ZFHX3: variants seen among roughly 807,000 people sequenced by gnomAD.
ZFHX3 encodes the protein zinc finger homeobox protein 3.
ZFHX3 carries 42 observed loss-of-function variants against 279.1 expected under a neutral mutation model. The ratio of observed to expected loss-of-function variants is 0.15; its 90% CI spans 0.12 to 0.19. The LOEUF is 0.19. Among genes scored for constraint, ZFHX3 ranks in the 10% least tolerant of loss-of-function variants. ZFHX3 has a pLI of 1.00. For synonymous variants in ZFHX3, 2,293 were observed against 1,957.8 expected (o/e 1.17, Z -4.52); for missense variants, 4,981 against 4,754.0 (o/e 1.05, Z -1.40).
At chr16:73,053,975 T>A (rs2144730929) in intron 1 of ZFHX3, among the ~76,000 whole-genome samples, 1 of 143,920 alleles carries the variant, frequency 6.9e-6, no homozygotes, top group South Asian at 2.3e-4. Flanking sequence ...GGTCGACACA[T>A]CAGCAGCCCC....
chr16:73,459,130 A>C (rs1485724065), intron 2 of ZFHX3, among the ~76,000 whole-genome samples: 1 of 152,236 alleles, frequency 6.6e-6, no homozygotes, highest in Admixed American at 6.5e-5. Flanking sequence ...ACAAAAAGTT[A>C]ATTTTAAATG....
intron 2 of ZFHX3, among the ~76,000 whole-genome samples, chr16:73,508,593 T>C (rs1462278680): frequency 6.6e-6 from 1 of 152,034 alleles, no homozygotes. Context: ...TTAGGGAAAA[T>C]AGTGGGAGCT....
At chr16:73,744,728 C>G (rs1382616784) in intron 1 of ZFHX3, among the ~76,000 whole-genome samples, 1 of 152,146 alleles carries the variant, frequency 6.6e-6, no homozygotes, top group South Asian at 2.1e-4. Context: ...CCATTTGATT[C>G]AAGACCAGTC....
Position 72,958,162 on chromosome 16 carries a change from T to C in ZFHX3, c.1984A>G (p.Met662Val), listed in dbSNP as rs749332649. 1.9e-6 allele frequency: 3 copies of C among 1,613,878 alleles called. No individual in the cohort carries two copies. Among genetic ancestry groups the C allele is most frequent in the Admixed American group, 1.7e-5 (1 of 60,016 alleles). ...GTCTTACACGAGTTACGAGAATGCA[T>C]CATGGTCATGTGGCCGCCCAGCGAG... The part of the protein sequence containing the change: ...SRSLGGHMTM[M>V]HSRNSCKTLK... The change falls in exon 2 of 10, where the codon ATG (methionine) becomes GTG (valine). Residue 662 changes from methionine to valine, a missense_variant. Physicochemically the swap from Met to Val is conservative, Grantham distance 21. Transcript: ENST00000268489.
chr16:73,519,182 G>A (rs1343315295), intron 2 of ZFHX3, among the ~76,000 whole-genome samples: 1 of 151,800 alleles, frequency 6.6e-6, no homozygotes, highest in African/African-American at 2.4e-5. Flanking sequence ...TCTAATTGAT[G>A]GTTATTTATG....
intron 2 of ZFHX3, among the ~76,000 whole-genome samples, chr16:73,654,882 A>G (rs1256719596): frequency 1.7e-5 from 2 of 120,284 alleles, no homozygotes; most frequent in East Asian, 4.6e-4. Flanking sequence ...TTTTTTTGAG[A>G]CAGAGTCTCA....
chr16:73,857,889 T>G (rs1479294564), intron 1 of ZFHX3, among the ~76,000 whole-genome samples: 1 of 152,044 alleles, frequency 6.6e-6, no homozygotes, highest in Non-Finnish European at 1.5e-5. Flanking sequence ...GATGGATCGC[T>G]TGAGGTCAGG....
intron 5 of ZFHX3, among the ~76,000 whole-genome samples, chr16:72,824,265 T>C (rs939502993): frequency 3.3e-5 from 5 of 152,346 alleles, no homozygotes; most frequent in Non-Finnish European, 7.3e-5. Context: ...AAACGTACTT[T>C]TCCCTAACAG....
intron 1 of ZFHX3, among the ~76,000 whole-genome samples, chr16:72,993,455 A>T (rs768104108): frequency 6.6e-6 from 1 of 152,218 alleles, no homozygotes; most frequent in Non-Finnish European, 1.5e-5. Flanking sequence ...CCATTGAGAA[A>T]TAAAGATGTG....
intron 5 of ZFHX3, among the ~76,000 whole-genome samples, chr16:73,222,542 C>G (rs1597228078): frequency 6.6e-6 from 1 of 151,920 alleles, no homozygotes; most frequent in East Asian, 1.9e-4. Context: ...TGAGGAAAAC[C>G]ACAAAACTTT....
intron 2 of ZFHX3, among the ~76,000 whole-genome samples, chr16:73,561,235 A>T (rs2020364270): frequency 1.3e-5 from 2 of 152,224 alleles, no homozygotes. Context: ...CTGACAGTGG[A>T]CATTAGGCAG....
At chr16:72,861,937 C>T (rs553377332) in intron 4 of ZFHX3, among the ~76,000 whole-genome samples, 1 of 152,204 alleles carries the variant, frequency 6.6e-6, no homozygotes, top group Non-Finnish European at 1.5e-5. Context: ...ATTGCTTGAA[C>T]CCGGGAGGCA....
At chr16:73,494,007 C>G (rs919498736) in intron 2 of ZFHX3, among the ~76,000 whole-genome samples, 1 of 152,120 alleles carries the variant, frequency 6.6e-6, no homozygotes, top group African/African-American at 2.4e-5. Context: ...CTACCTTCTC[C>G]TTGAAGACTC....
chr16:72,945,195 G>A (rs910138670), intron 3 of ZFHX3, among the ~76,000 whole-genome samples: 29 of 152,140 alleles, frequency 1.9e-4, no homozygotes, highest in Admixed American at 1.8e-3. Flanking sequence ...AAAGAACAAG[G>A]GACCTCCCAG....
chr16:73,619,823 C>A (rs2052341012), intron 2 of ZFHX3, among the ~76,000 whole-genome samples: 1 of 152,156 alleles, frequency 6.6e-6, no homozygotes, highest in Non-Finnish European at 1.5e-5. Flanking sequence ...TGAATATGCA[C>A]AACAGTCTCT....
chr16:73,312,051 G>A (rs559506575), intron 4 of ZFHX3, among the ~76,000 whole-genome samples: 1 of 152,306 alleles, frequency 6.6e-6, no homozygotes, highest in Admixed American at 6.5e-5. Flanking sequence ...GAATGCAGTG[G>A]TGTGTGACGT....
chr16:73,175,594 A>G (rs897910124), intron 5 of ZFHX3, among the ~76,000 whole-genome samples: 1 of 152,204 alleles, frequency 6.6e-6, no homozygotes, highest in Non-Finnish European at 1.5e-5. Flanking sequence ...GGGTCTGGCC[A>G]TGATAGGTGC....
intron 3 of ZFHX3, among the ~76,000 whole-genome samples, chr16:73,357,988 C>T (rs1194665099): frequency 2.0e-5 from 3 of 152,230 alleles, no homozygotes; most frequent in East Asian, 1.9e-4. Flanking sequence ...CATCCCCTCT[C>T]GGGAGCATCT....
intron 2 of ZFHX3, among the ~76,000 whole-genome samples, chr16:73,518,603 T>C (rs2019562073): frequency 6.6e-6 from 1 of 152,132 alleles, no homozygotes; most frequent in Non-Finnish European, 1.5e-5. Context: ...TTAACCACTA[T>C]GCAGACACAG....
Sources: gnomAD v4.1 joint callset for allele counts (sites outside exome capture counted in the v4.1 genomes callset) on GRCh38, gnomAD v4.1.1 for gene constraint, MANE v1.5 for transcripts, NCBI Gene and HGNC (gene_info 2026-07-23, HGNC 2026-07-21) for gene names.